The following STK32B variants were observed in gnomAD, a reference collection of about 807,000 sequenced individuals.
The protein encoded by STK32B is serine/threonine kinase 32B, also known as serine/threonine-protein kinase 32B.
A neutral mutation model predicts 52.6 loss-of-function variants in STK32B; 43 were observed. The observed-to-expected ratio is 0.82, with a 90% CI of 0.64 to 1.05. STK32B has a LOEUF of 1.05. STK32B is among the 50% of genes least tolerant of loss of function. The probability of loss-of-function intolerance (pLI) is 0.00; values close to 1 mark genes in which losing one functional copy is unlikely to be tolerated. For synonymous variants in STK32B, 238 were observed against 204.3 expected, an observed-to-expected ratio of 1.17 and a Z score of -1.41; for missense variants, 621 against 534.6, an observed-to-expected ratio of 1.16 and a Z score of -1.59.
intron 3 of STK32B, among the ~76,000 whole-genome samples, chr4:5,317,065 AATATATTATATATTATAT>A (rs1731004472): frequency 2.9e-5 from 1 of 34,304 alleles, no homozygotes; most frequent in Non-Finnish European, 4.0e-5. Context: ...TATATGATAT[AATATATTATATATTATAT>A]ATATAATATA....
intron 1 of STK32B, among the ~76,000 whole-genome samples, chr4:5,077,572 C>T (rs1712156155): frequency 6.6e-6 from 1 of 152,162 alleles, no homozygotes; most frequent in African/African-American, 2.4e-5. Context: ...GTGGGTCCAC[C>T]TCCCCAGCCC....
intron 11 of STK32B, among the ~76,000 whole-genome samples, chr4:5,473,079 A>C (rs981219287): frequency 2.0e-5 from 3 of 152,182 alleles, no homozygotes; most frequent in Non-Finnish European, 4.4e-5. Context: ...ACATTTCCCT[A>C]AAAGAAATAT....
At chr4:5,390,808 C>T (rs1373768942) in intron 4 of STK32B, among the ~76,000 whole-genome samples, 3 of 151,990 alleles carry the variant, frequency 2.0e-5, no homozygotes, top group African/African-American at 7.2e-5. Context: ...AATTGGTTCT[C>T]CTGGAAGCTC....
chr4:5,458,949 T>G (rs1277792705), intron 8 of STK32B: 3 of 152,258 alleles, frequency 2.0e-5, no homozygotes, highest in African/African-American at 7.2e-5. Flanking sequence ...GTGGAAGCCT[T>G]ACATACCACC....
chr4:5,286,794 CT>C (rs60300816), intron 3 of STK32B, among the ~76,000 whole-genome samples: 3,350 of 112,890 alleles, frequency 0.03, 33 homozygotes, highest in South Asian at 0.058. Context: ...TACAGATGTA[CT>C]TTTTTTTTTT....
intron 3 of STK32B, among the ~76,000 whole-genome samples, chr4:5,181,989 C>T (rs1014453739): frequency 6.6e-6 from 1 of 152,250 alleles, no homozygotes; most frequent in Non-Finnish European, 1.5e-5. Context: ...CTTTAAAACT[C>T]TGCTGCTGAT....
chr4:5,490,564 TTTAA>T (rs892101610), intron 11 of STK32B, among the ~76,000 whole-genome samples: 1 of 152,150 alleles, frequency 6.6e-6, no homozygotes, highest in African/African-American at 2.4e-5. Context: ...CGTCTTTTTT[TTTAA>T]TTTTTTAAAT....
At chr4:5,241,703 T>C (rs1055287686) in intron 3 of STK32B, among the ~76,000 whole-genome samples, 1 of 152,132 alleles carries the variant, frequency 6.6e-6, no homozygotes, top group Non-Finnish European at 1.5e-5. Flanking sequence ...ATTAGGTATA[T>C]CTCCTAATGC....
At chr4:5,261,414 G>A (rs1275147703) in intron 3 of STK32B, among the ~76,000 whole-genome samples, 2 of 152,270 alleles carry the variant, frequency 1.3e-5, no homozygotes, top group African/African-American at 2.4e-5. Flanking sequence ...TGGTGTTGAG[G>A]CCCTTAGCAA....
chr4:5,289,679 C>T (rs1038226308), intron 3 of STK32B, among the ~76,000 whole-genome samples: 29 of 143,752 alleles, frequency 2.0e-4, no homozygotes, highest in East Asian at 6.1e-4. Context: ...CCACCATGCC[C>T]GGCTAATTTT....
intron 11 of STK32B, among the ~76,000 whole-genome samples, chr4:5,484,353 T>A (rs1182690833): frequency 3.3e-5 from 5 of 152,220 alleles, no homozygotes; most frequent in African/African-American, 1.2e-4. Flanking sequence ...TGGCCTTCTT[T>A]GTCTCTTTTG....
chr4:5,397,620 T>C (rs750489851), intron 4 of STK32B, among the ~76,000 whole-genome samples: 11 of 152,240 alleles, frequency 7.2e-5, no homozygotes, highest in Non-Finnish European at 1.5e-4. Context: ...CACATTAATC[T>C]CTGTTGCGTG....
At chr4:5,490,792 C>A (rs1272589054) in intron 11 of STK32B, among the ~76,000 whole-genome samples, 1 of 152,132 alleles carries the variant, frequency 6.6e-6, no homozygotes, top group African/African-American at 2.4e-5. Flanking sequence ...TCTCATTGTT[C>A]AATTCCCAAC....
chr4:5,324,472 G>T (rs1731743805), intron 3 of STK32B, among the ~76,000 whole-genome samples: 1 of 152,178 alleles, frequency 6.6e-6, no homozygotes, highest in African/African-American at 2.4e-5. Context: ...TCAGTTTCCG[G>T]GGTTAGGGAA....
intron 3 of STK32B, among the ~76,000 whole-genome samples, chr4:5,267,055 G>A (rs1727099387): frequency 6.6e-6 from 1 of 152,154 alleles, no homozygotes; most frequent in Admixed American, 6.5e-5. Flanking sequence ...CCTGGGAGGT[G>A]AATTCCTGAA....
intron 3 of STK32B, among the ~76,000 whole-genome samples, chr4:5,256,794 G>A (rs1008930500): frequency 5.3e-5 from 8 of 152,152 alleles, no homozygotes; most frequent in African/African-American, 1.9e-4. Context: ...TATGCTCCAT[G>A]GAACCCTGAA....
chr4:5,456,951 G>T lies in STK32B; in HGVS notation c.783+28G>T, dbSNP rs374592043. The T allele has an allele frequency of 2.9e-5, 42 of 1,470,134 alleles. No homozygotes were observed. In the Middle Eastern group the frequency reaches 7.8e-4, roughly 27 times the overall value. The allele number at this position is 1,470,134 out of a possible 1,614,324, so 91.1% of individuals were successfully genotyped here. A position where few individuals can be genotyped will look rare whatever the true frequency, so the allele number is the denominator to read the frequency against. ...AAGGGGGCAGCTTCCAGCCTGCCCC[G>T]CCAGGGAGCTACGGTGAGTGTAGAA... On this transcript the variant is annotated intron_variant, in intron 8 of 11. Transcript: ENST00000282908.
intron 1 of STK32B, among the ~76,000 whole-genome samples, chr4:5,070,593 C>G (rs1359853059): frequency 6.6e-6 from 1 of 152,102 alleles, no homozygotes; most frequent in Non-Finnish European, 1.5e-5. Context: ...ACAGGATAAT[C>G]AAATTAAAAT....
chr4:5,023,538 C>G, the STK32B span, among the ~76,000 whole-genome samples: 1 of 152,158 alleles, frequency 6.6e-6, no homozygotes, highest in Non-Finnish European at 1.5e-5. Flanking sequence ...TGCAGGCCTT[C>G]AAATCCTGTA....
Sources: allele counts gnomAD v4.1 joint callset (sites outside exome capture counted in the v4.1 genomes callset), GRCh38; gene constraint gnomAD v4.1.1; transcripts MANE v1.5; gene names NCBI Gene and HGNC (gene_info 2026-07-23, HGNC 2026-07-21).